Variants in PLCG1 observed in about 807,000 individuals in gnomAD.
The protein encoded by PLCG1 is 1-phosphatidylinositol 4,5-bisphosphate phosphodiesterase gamma-1.
PLCG1 carries 71 observed loss-of-function variants against 177.8 expected under a neutral mutation model. That is an observed-to-expected ratio of 0.40 (90% CI 0.33 to 0.49). The LOEUF (loss-of-function observed/expected upper bound fraction) is 0.49, where lower values mean the gene tolerates loss of function less well. Among genes scored for constraint, PLCG1 ranks in the 20% least tolerant of loss-of-function variants. PLCG1 has a pLI of 0.72. For synonymous variants in PLCG1, 658 were observed against 647.9 expected, an observed-to-expected ratio of 1.02 and a Z score of -0.24; for missense variants, 1,281 against 1,709.0, an observed-to-expected ratio of 0.75 and a Z score of 4.42.
chr20:41,145,374 G>A (rs1255258427), intron 1 of PLCG1, among the ~76,000 whole-genome samples: 1 of 152,166 alleles, frequency 6.6e-6, no homozygotes, highest in African/African-American at 2.4e-5. Context: ...TGCTGTTGTG[G>A]TAGAGTAGAG....
rs10692970 is a variant in PLCG1 at position 41,176,263 on chromosome 20, T to TCAAACAAA, written c.*1760_*1761insAACAAACA. On this transcript the variant is annotated 3_prime_UTR_variant, in exon 32 of 32. Transcript: ENST00000685551. ...TGACATGAACTGATGATAGCCAGTA[T>TCAAACAAA]CAAACAGCGATAGTGCTCAGGTTCT... 7.9e-5 allele frequency: 12 copies of TCAAACAAA among 151,990 alleles called. No individual in the cohort carries two copies. Among genetic ancestry groups the TCAAACAAA allele is most frequent in the Non-Finnish European group, 1.8e-4 (12 of 67,972 alleles). 9.4% of individuals were successfully genotyped at this position (151,990 alleles called of 1,614,324 possible).
chr20:41,159,718 C>T lies in PLCG1; in HGVS notation c.330C>T (p.Leu110=). The T allele has an allele frequency of 6.2e-7, 1 of 1,614,186 alleles. No individual in the cohort carries two copies. The highest frequency in any genetic ancestry group is 1.1e-5 in the South Asian group (1 of 91,076). Residue 110 remains leucine, a synonymous_variant, in exon 2 of 32, where the codon CTC becomes CTT. Transcript: ENST00000685551. This position sits in a 1 kb window ranked among gnomAD's most constrained non-coding sequence, Gnocchi z 6.0. ...ACCAGTCACATTGCTTTGTCATTCT[C>T]TATGGAATGGAATTTCGCCTGAAAA... The part of the protein sequence containing the change: ...RPDQSHCFVI[L]YGMEFRLKTL...
intron 4 of PLCG1, 149 bp from the exon 5 acceptor site, chr20:41,162,303 C>T (rs1252751527): frequency 4.8e-6 from 2 of 420,588 alleles, no homozygotes; most frequent in East Asian, 6.1e-5. Context: ...ACTAACCTCA[C>T]CCCATGGGTT....
Position 41,165,501 on chromosome 20 carries a change from G to A in PLCG1, c.1561G>A (p.Glu521Lys). 1 of 1,614,052 alleles carries A rather than the reference G, an allele frequency of 6.2e-7. No individual in the cohort carries two copies. The highest frequency in any genetic ancestry group is 8.5e-7 in the Non-Finnish European group (1 of 1,179,962). ...GACCAGCAGCAAGATCTACTACTCTGAGGAGACCAGCAGTGACCAGGGCAA... is the reference window on the plus strand; with the variant it reads ...GACCAGCAGCAAGATCTACTACTCTAAGGAGACCAGCAGTGACCAGGGCAA... Reference protein sequence around the residue: ...VLTSSKIYYSEETSSDQGNED... With the variant: ...VLTSSKIYYSKETSSDQGNED... Residue 521 changes from glutamate (E) to lysine (K), a missense_variant, in exon 15 of 32, where the codon GAG (glutamate) becomes AAG (lysine). Glu to Lys is a moderately conservative substitution (Grantham distance 56). Around this residue, in one of 4 missense-constraint regions of PLCG1, gnomAD observed 723 missense variants for 1,030.0 expected, o/e 0.70. Coordinates refer to ENST00000685551, the MANE Select transcript of PLCG1 (RefSeq NM_002660.3). The surrounding 1 kb of genome is among the most constrained non-coding windows in gnomAD (Gnocchi z 6.6).
Position 41,162,399 on chromosome 20 carries a change from CAGAGGTCATGAGAAGCTGGA to C in PLCG1, c.513-52_513-33del, listed in dbSNP as rs1229351960. 64 of 1,428,938 alleles carry C rather than the reference CAGAGGTCATGAGAAGCTGGA, an allele frequency of 4.5e-5. 1 individual carries two copies. In the East Asian group the frequency reaches 8.4e-4, roughly 19 times the overall value. The allele number at this position is 1,428,938 out of a possible 1,614,324, so 88.5% of individuals were successfully genotyped here. ...CCCCAGGTGGGCTCGACCCACAGGT[CAGAGGTCATGAGAAGCTGGA>C]TGAGACCACTGGGGATGTCCCTGTT... is the stretch of plus-strand genomic sequence containing the variant. On this transcript the variant is annotated intron_variant, in intron 4 of 31. Coordinates refer to ENST00000685551, the MANE Select transcript of PLCG1 (RefSeq NM_002660.3).
chr20:41,170,540 AGAG>A (rs1484696939), intron 24 of PLCG1: 4 of 397,344 alleles, frequency 1.0e-5, no homozygotes, highest in Non-Finnish European at 1.8e-5. Flanking sequence ...ACCAGAGGTA[AGAG>A]GAGAAGTCCT....
Position 41,165,136 on chromosome 20 carries a change from T to C in PLCG1, c.1386+35T>C. On this transcript the variant is annotated intron_variant, in intron 13 of 31. Transcript: ENST00000685551. The surrounding 1 kb of genome is among the most constrained non-coding windows in gnomAD (Gnocchi z 6.6). ...CGGGCTTATTGCGGAAGCCCCACACTTCTCAGTGCCTTGCCCAGGCCATGG... is the reference window on the plus strand; with the variant it reads ...CGGGCTTATTGCGGAAGCCCCACACCTCTCAGTGCCTTGCCCAGGCCATGG... 1 of 1,605,164 alleles carries C rather than the reference T, an allele frequency of 6.2e-7. No homozygotes were observed. Among genetic ancestry groups the C allele is most frequent in the Non-Finnish European group, 8.5e-7 (1 of 1,174,358 alleles).
rs1050702854 is a variant in PLCG1, at chr20:41,175,206, C to G, written c.*697C>G. On this transcript the variant is annotated 3_prime_UTR_variant, in exon 32 of 32. Coordinates refer to ENST00000685551, the MANE Select transcript of PLCG1 (RefSeq NM_002660.3). ...TATTTACTCCTCCTGCTCCTCACCC[C>G]TGTAGGGAAACCTTGGAGAGGAGAG... 1.3e-5 allele frequency: 2 copies of G among 152,314 alleles called. No individual in the cohort carries two copies. The highest frequency in any genetic ancestry group is 2.9e-5 in the Non-Finnish European group (2 of 68,004). 9.4% of individuals were successfully genotyped at this position (152,314 alleles called of 1,614,324 possible).
chr20:41,140,246 G>T (rs1417563313), intron 1 of PLCG1, among the ~76,000 whole-genome samples: 2 of 152,206 alleles, frequency 1.3e-5, no homozygotes, highest in East Asian at 3.8e-4. Flanking sequence ...GAGCCTGGAT[G>T]AAAAGTCTGG....
intron 1 of PLCG1, 153 bp downstream of exon 1, chr20:41,138,011 G>C (rs1311439477): frequency 4.3e-6 from 2 of 469,764 alleles, no homozygotes; most frequent in Non-Finnish European, 6.8e-6. Context: ...GCTTCGTCTC[G>C]GGTGGTCACT....
chr20:41,148,583 G>T lies in PLCG1; in HGVS notation c.217+10725G>T, dbSNP rs574403401. Among the ~76,000 whole-genome samples, 2 of 152,204 alleles carry T rather than the reference G, an allele frequency of 1.3e-5. No individual in the cohort carries two copies. Among genetic ancestry groups the T allele is most frequent in the African/African-American group, 4.8e-5 (2 of 41,444 alleles). ...GTTATATAGCAGTGATGCTTTCATA[G>T]TATTTTTCTTGAATAAGGTCCCCAA... On this transcript the variant is annotated intron_variant, in intron 1 of 31. Coordinates refer to ENST00000685551, the MANE Select transcript of PLCG1 (RefSeq NM_002660.3). The surrounding 1 kb of genome is among the most constrained non-coding windows in gnomAD (Gnocchi z 4.3).
At chr20:41,169,756 TCAG>T (rs1227467715) in intron 23 of PLCG1, 2 of 580,244 alleles carry the variant, frequency 3.4e-6, no homozygotes, top group Non-Finnish European at 6.1e-6. Context: ...CCCGTCAGAA[TCAG>T]CAGAACAAAG....
At chr20:41,154,357 C>G (rs1247984638) in intron 1 of PLCG1, among the ~76,000 whole-genome samples, 1 of 152,202 alleles carries the variant, frequency 6.6e-6, no homozygotes, top group Non-Finnish European at 1.5e-5. Context: ...TGATTGGGCT[C>G]CCTCTCCCCC....
At chr20:41,154,625 G>A (rs979917291) in intron 1 of PLCG1, among the ~76,000 whole-genome samples, 6 of 152,174 alleles carry the variant, frequency 3.9e-5, no homozygotes, top group Non-Finnish European at 7.4e-5. Context: ...CGGGGGAGTC[G>A]GGGTGGGAGC....
chr20:41,167,274 A>G lies in PLCG1; in HGVS notation c.2301+415A>G, dbSNP rs1021613072. On this transcript the variant is annotated intron_variant, in intron 19 of 31. Transcript: ENST00000685551. The surrounding 1 kb of genome is among the most constrained non-coding windows in gnomAD (Gnocchi z 4.4). ...ATGGAGGGCAGAGCCACAGGAGGTGAGACCAGTGAGGGAAAAAGTCAGGAC... is the reference window on the plus strand; with the variant it reads ...ATGGAGGGCAGAGCCACAGGAGGTGGGACCAGTGAGGGAAAAAGTCAGGAC... 5.9e-5 allele frequency among the ~76,000 whole-genome samples: 9 copies of G among 152,270 alleles called. No individual in the cohort carries two copies. Among genetic ancestry groups the G allele is most frequent in the Admixed American group, 5.2e-4 (8 of 15,282 alleles).
rs758251235 is a variant in PLCG1 at position 41,159,716 on chromosome 20, C to A, written c.328C>A (p.Leu110Ile). Residue 110 changes from leucine to isoleucine, a missense_variant, in exon 2 of 32, where the codon CTC becomes ATC. Physicochemically the swap from Leu to Ile is conservative, Grantham distance 5. This residue lies in a region of PLCG1 where 374 missense variants were observed against 443.8 expected (regional missense o/e 0.84). Transcript: ENST00000685551. This position sits in a 1 kb window ranked among gnomAD's most constrained non-coding sequence, Gnocchi z 6.0. ...GGACCAGTCACATTGCTTTGTCATT[C>A]TCTATGGAATGGAATTTCGCCTGAA... is the stretch of plus-strand genomic sequence containing the variant. ...RPDQSHCFVI[L>I]YGMEFRLKTL... The A allele has an allele frequency of 1.2e-6, 2 of 1,614,198 alleles. No homozygotes were observed. Among genetic ancestry groups the A allele is most frequent in the Middle Eastern group, 3.3e-4 (2 of 6,062 alleles).
In PLCG1 at chr20:41,174,394, A is replaced by AAGTT; in HGVS notation, c.3834-72_3834-69dup. 6.2e-7 allele frequency: 1 copy of AAGTT among 1,602,034 alleles called. No homozygotes were observed. Among genetic ancestry groups the AAGTT allele is most frequent in the Non-Finnish European group, 8.5e-7 (1 of 1,170,690 alleles). On this transcript the variant is annotated intron_variant, in intron 31 of 31. Coordinates refer to ENST00000685551, the MANE Select transcript of PLCG1 (RefSeq NM_002660.3). The surrounding 1 kb of genome is among the most constrained non-coding windows in gnomAD (Gnocchi z 5.8). ...CAGTGTTTCTTTCTCCTGGGTAGAA[A>AAGTT]AGTTGTAATATTGTCTGGCATTGGG...
rs935835890 is a variant in PLCG1, at chr20:41,150,676, C to T, written c.218-8930C>T. ...GTATAGGCCATCTTCCCTCCCTTCTCATCCATGATACTCTGAATGCCCTGT... is the reference window on the plus strand; with the variant it reads ...GTATAGGCCATCTTCCCTCCCTTCTTATCCATGATACTCTGAATGCCCTGT... On this transcript the variant is annotated intron_variant, in intron 1 of 31. Transcript: ENST00000685551. The surrounding 1 kb of genome is among the most constrained non-coding windows in gnomAD (Gnocchi z 4.0). Among the ~76,000 whole-genome samples the T allele has an allele frequency of 6.6e-6, 1 of 152,182 alleles. No homozygotes were observed. Among genetic ancestry groups the T allele is most frequent in the Admixed American group, 6.5e-5 (1 of 15,280 alleles).
Position 41,165,843 on chromosome 20 carries a change from A to C in PLCG1, c.1799+17A>C. 6.4e-7 allele frequency: 1 copy of C among 1,556,716 alleles called. No homozygotes were observed. The highest frequency in any genetic ancestry group is 8.7e-7 in the Non-Finnish European group (1 of 1,145,148). On this transcript the variant is annotated intron_variant, in intron 16 of 31. Transcript: ENST00000685551. The surrounding 1 kb of genome is among the most constrained non-coding windows in gnomAD (Gnocchi z 6.6). ...CTCTTTCTGGTAACACTTCCCATGC[A>C]GATGCGTATGTTCAGTCAGCGTGTG...
Sources: gnomAD v4.1 joint callset for allele counts (sites outside exome capture counted in the v4.1 genomes callset) on GRCh38, gnomAD v4.1.1 for gene constraint, gnomAD v4.1.1 regional missense constraint, Gnocchi (gnomAD v3.1) non-coding constraint, MANE v1.5 for transcripts, NCBI Gene and HGNC (gene_info 2026-07-23, HGNC 2026-07-21) for gene names.